FIP1L1: variants seen among roughly 807,000 people sequenced by gnomAD.
The protein encoded by FIP1L1 is factor interacting with PAPOLA and CPSF1, also known as pre-mRNA 3'-end-processing factor FIP1.
A neutral mutation model predicts 84.6 loss-of-function variants in FIP1L1; 21 were observed. That is an observed-to-expected ratio of 0.25 (90% CI 0.18 to 0.36). The LOEUF is 0.36. FIP1L1 is among the 10% of genes least tolerant of loss of function. The pLI is 1.00. For missense variants in FIP1L1, 526 were observed against 751.1 expected (o/e 0.70, Z 3.50); for synonymous variants, 263 against 242.3 (o/e 1.09, Z -0.80).
At chr4:53,403,868 C>T (rs893580737) in intron 10 of FIP1L1, among the ~76,000 whole-genome samples, 2 of 152,034 alleles carry the variant, frequency 1.3e-5, no homozygotes, top group African/African-American at 4.8e-5. Flanking sequence ...TTCAGAAAGC[C>T]GTAGTGGATT....
intron 13 of FIP1L1, among the ~76,000 whole-genome samples, chr4:53,430,608 A>T (rs1209146404): frequency 2.0e-5 from 3 of 152,126 alleles, no homozygotes; most frequent in Non-Finnish European, 2.9e-5. Flanking sequence ...AAGTACTGGC[A>T]TTACAGGCAT....
At position 53,383,811 on chromosome 4, in the gene FIP1L1, C is replaced by T. The variant is rs1314346038; in HGVS notation, c.267C>T (p.Ser89=). 37 of 1,609,626 alleles carry T rather than the reference C, an allele frequency of 2.3e-5. No homozygotes were observed. Among genetic ancestry groups the T allele is most frequent in the African/African-American group, 1.3e-5 (1 of 74,754 alleles). Residue 89 remains serine, a synonymous_variant, in exon 5 of 18, where the codon AGC becomes AGT. Transcript: ENST00000337488. The part of the protein sequence containing the change: ...TETEDDSDSD[S]DDDEDDVHVT... ...CCGAAGATGATAGTGATAGTGACAG[C>T]GATGATGATGAAGATGATGTTCATG...
Position 53,377,969 on chromosome 4 carries a change from C to T in FIP1L1, c.85+46C>T, listed in dbSNP as rs772366087. 5 of 1,456,472 alleles carry T rather than the reference C, an allele frequency of 3.4e-6. No homozygotes were observed. The African/African-American group carries it at 5.8e-5, about 17-fold the overall frequency. 90.2% of individuals were successfully genotyped at this position (1,456,472 alleles called of 1,614,324 possible). ...GTCTCTCGGGTTCTCTCAGGCCTCC[C>T]CTCTTGGCCCTCAAACGGCCGGCGT... On this transcript the variant is annotated intron_variant, in intron 1 of 17. Transcript: ENST00000337488.
intron 13 of FIP1L1, among the ~76,000 whole-genome samples, chr4:53,429,953 G>T (rs6554107): frequency 6.6e-6 from 1 of 152,020 alleles, no homozygotes; most frequent in African/African-American, 2.4e-5. Context: ...TACCTCACCC[G>T]TGGCCCCCAG....
At chr4:53,401,634 A>G (rs1750316721) in intron 10 of FIP1L1, among the ~76,000 whole-genome samples, 1 of 152,206 alleles carries the variant, frequency 6.6e-6, no homozygotes, top group Admixed American at 6.5e-5. Flanking sequence ...TGTAGAGGAA[A>G]AAGCAGTTAA....
chr4:53,385,257 T>C (rs1435253068), intron 5 of FIP1L1, among the ~76,000 whole-genome samples: 1 of 152,158 alleles, frequency 6.6e-6, no homozygotes, highest in African/African-American at 2.4e-5. Flanking sequence ...TTATGTAAAA[T>C]TATTTGTATT....
At chr4:53,442,051 C>T (rs539569961) in intron 13 of FIP1L1, among the ~76,000 whole-genome samples, 1 of 152,040 alleles carries the variant, frequency 6.6e-6, no homozygotes, top group South Asian at 2.1e-4. Context: ...GCAGACCCCA[C>T]GATATAGAGG....
At chr4:53,432,398 CAAAAAAAAAAAAAAAAAAAAAAA>C (rs35596754) in intron 13 of FIP1L1, among the ~76,000 whole-genome samples, 1 of 68,404 alleles carries the variant, frequency 1.5e-5, no homozygotes, top group Non-Finnish European at 2.6e-5. Context: ...AACTCCATCT[CAAAAAAAAAAAAAAAAAAAAAAA>C]AAAGAAAGAA....
At chr4:53,437,854 T>C (rs578101946) in intron 13 of FIP1L1, among the ~76,000 whole-genome samples, 6 of 152,002 alleles carry the variant, frequency 3.9e-5, no homozygotes, top group Non-Finnish European at 8.8e-5. Context: ...GCCTCCTGAG[T>C]AGCTGGGACT....
chr4:53,378,324 C>T (rs1735832824), intron 1 of FIP1L1: 1 of 178,230 alleles, frequency 5.6e-6, no homozygotes, highest in South Asian at 1.9e-4. Flanking sequence ...CCTGTCCCTT[C>T]TTTCAGAAAC....
chr4:53,440,536 T>A, intron 13 of FIP1L1: 1 of 1,243,424 alleles, frequency 8.0e-7, no homozygotes, highest in Non-Finnish European at 1.1e-6. Context: ...ACATAACAGG[T>A]TCTGAAATCC....
intron 15 of FIP1L1, among the ~76,000 whole-genome samples, chr4:53,450,092 C>G (rs753517145): frequency 6.6e-6 from 1 of 151,858 alleles, no homozygotes; most frequent in Non-Finnish European, 1.5e-5. Context: ...TTTGTTATCC[C>G]TTTTTTTGTT....
At chr4:53,427,900 C>A (rs1764994266) in intron 12 of FIP1L1, 127 bp from the exon 13 acceptor site, 4 of 783,260 alleles carry the variant, frequency 5.1e-6, no homozygotes, top group Non-Finnish European at 2.0e-6. Flanking sequence ...ACTCTCCCCC[C>A]AAAAATACAT....
rs774057158 is a variant in FIP1L1, at chr4:53,460,840, A to AAAT, written c.*1393_*1395dup. The AAAT allele has an allele frequency of 1.0e-4, 140 of 1,370,128 alleles. No homozygotes were observed. The highest frequency in any genetic ancestry group is 1.3e-4 in the Non-Finnish European group (133 of 993,476). 84.9% of individuals were successfully genotyped at this position (1,370,128 alleles called of 1,614,324 possible). A position where few individuals can be genotyped will look rare whatever the true frequency, so the allele number is the denominator to read the frequency against. On this transcript the variant is annotated 3_prime_UTR_variant, in exon 18 of 18. Transcript: ENST00000337488. ...CTTTAAATATAAAAACTGACAAGAT[A>AAAT]AATATAGTGTTTCAACTTCTTAGCC...
chr4:53,403,682 T>C (rs1751469876), intron 10 of FIP1L1, among the ~76,000 whole-genome samples: 1 of 152,150 alleles, frequency 6.6e-6, no homozygotes, highest in East Asian at 1.9e-4. Context: ...GGCAAAACTT[T>C]GTTGTCCAAT....
At chr4:53,391,860 T>TA (rs1370506732) in intron 9 of FIP1L1, among the ~76,000 whole-genome samples, 3 of 152,104 alleles carry the variant, frequency 2.0e-5, no homozygotes, top group Non-Finnish European at 2.9e-5. Flanking sequence ...TTGTTCTCTT[T>TA]AAAAAAATGG....
At chr4:53,440,128 C>T (rs1274159200) in intron 13 of FIP1L1, among the ~76,000 whole-genome samples, 4 of 152,010 alleles carry the variant, frequency 2.6e-5, no homozygotes, top group Non-Finnish European at 4.4e-5. Flanking sequence ...TGAACCACAA[C>T]ATATTGAGCT....
At chr4:53,414,952 CG>C (rs1758808238) in intron 11 of FIP1L1, among the ~76,000 whole-genome samples, 1 of 151,928 alleles carries the variant, frequency 6.6e-6, no homozygotes, top group Non-Finnish European at 1.5e-5. Flanking sequence ...TATATTGAAC[CG>C]TGCTAATGGA....
At position 53,407,018 on chromosome 4, in the gene FIP1L1, G is replaced by C. The variant is rs1578437594; in HGVS notation, c.815+7179G>C. ...TTGTGTCTCTATTTTCTTCAGTTCT[G>C]CTCTGATCTTAGTTATTTCTTGCCT... On this transcript the variant is annotated intron_variant, in intron 10 of 17. Transcript: ENST00000337488. 2.0e-5 allele frequency among the ~76,000 whole-genome samples: 3 copies of C among 152,088 alleles called. No individual in the cohort carries two copies. In the South Asian group the frequency reaches 6.2e-4, roughly 32 times the overall value.
Sources: gnomAD v4.1 joint callset for allele counts (sites outside exome capture counted in the v4.1 genomes callset) on GRCh38, gnomAD v4.1.1 for gene constraint, MANE v1.5 for transcripts, NCBI Gene and HGNC (gene_info 2026-07-23, HGNC 2026-07-21) for gene names.